GRIN2A: variants seen among roughly 807,000 people sequenced by gnomAD.
GRIN2A encodes glutamate ionotropic receptor NMDA type subunit 2A.
In GRIN2A, 22 loss-of-function variants were observed where a neutral mutation model predicts 113.4. The ratio of observed to expected loss-of-function variants is 0.19; its 90% CI spans 0.14 to 0.28. The LOEUF (loss-of-function observed/expected upper bound fraction) is 0.28. GRIN2A is among the 10% of genes least tolerant of loss of function. The pLI is 1.00. For synonymous variants in GRIN2A, 827 were observed against 738.4 expected, an observed-to-expected ratio of 1.12 and a Z score of -1.94; for missense variants, 1,502 against 1,887.0, an observed-to-expected ratio of 0.80 and a Z score of 3.78.
chr16:9,914,485 C>G (rs1450674522), intron 3 of GRIN2A, among the ~76,000 whole-genome samples: 1 of 152,228 alleles, frequency 6.6e-6, no homozygotes, highest in Non-Finnish European at 1.5e-5. Flanking sequence ...AGTATCAGTT[C>G]TGGCTTCTGA....
intron 2 of GRIN2A, among the ~76,000 whole-genome samples, chr16:9,971,376 C>T (rs2045666258): frequency 1.3e-5 from 2 of 152,202 alleles, no homozygotes; most frequent in African/African-American, 4.8e-5. Context: ...GCCCCCAAGC[C>T]AATAGCCAGC....
intron 7 of GRIN2A, among the ~76,000 whole-genome samples, chr16:9,837,841 A>G (rs1363465978): frequency 6.6e-6 from 1 of 152,214 alleles, no homozygotes; most frequent in African/African-American, 2.4e-5. Flanking sequence ...AAGGAACATA[A>G]TGAGGTGTGT....
chr16:9,856,766 G>A (rs970439353), intron 4 of GRIN2A, among the ~76,000 whole-genome samples: 1 of 151,752 alleles, frequency 6.6e-6, no homozygotes, highest in African/African-American at 2.4e-5. Context: ...CCATTTCATA[G>A]ATGAGGAAAC....
At chr16:10,035,568 C>T (rs112684035) in intron 2 of GRIN2A, among the ~76,000 whole-genome samples, 48 of 152,284 alleles carry the variant, frequency 3.2e-4, no homozygotes, top group African/African-American at 1.0e-3. Context: ...AGACCCTAGG[C>T]CAGGGGCTTT....
Position 9,822,275 on chromosome 16 carries a change from G to C in GRIN2A, c.2157C>G (p.Ser719Arg), listed in dbSNP as rs1482585408. The part of the protein sequence containing the change: ...NQKGVEDALV[S>R]LKTGKLDAFI... ...ACTGCCATCCTTACCCCGTTTTCAG[G>C]CTGACCAAGGCGTCCTCTACTCCTT... is the stretch of plus-strand genomic sequence containing the variant. Residue 719 changes from serine (S) to arginine (R), a missense_variant, in exon 10 of 13, where the codon AGC becomes AGG. Ser to Arg is a moderately radical substitution (Grantham distance 110, BLOSUM62 -1). Coordinates refer to ENST00000330684, the MANE Select transcript of GRIN2A (RefSeq NM_001134407.3). The C allele has an allele frequency of 6.2e-7, 1 of 1,613,758 alleles. No individual in the cohort carries two copies. The highest frequency in any genetic ancestry group is 1.3e-5 in the African/African-American group (1 of 75,012).
intron 2 of GRIN2A, among the ~76,000 whole-genome samples, chr16:9,984,885 C>G (rs2045952699): frequency 6.6e-6 from 1 of 152,048 alleles, no homozygotes; most frequent in African/African-American, 2.4e-5. Flanking sequence ...GGAGTGGGTT[C>G]AAAGATATCA....
intron 4 of GRIN2A, among the ~76,000 whole-genome samples, chr16:9,856,886 C>CA (rs112057436): frequency 5.0e-4 from 71 of 142,028 alleles, no homozygotes; most frequent in East Asian, 4.3e-3. Flanking sequence ...TTCTGCTGAA[C>CA]AAAAAAAAAA....
rs74684879 is a variant in GRIN2A at position 10,020,516 on chromosome 16, C to T, written c.415-81965G>A. ...TTCAATACGAGGTGGGAGTTTAGTGCAGCAGGCTGCAGCTGTGTGTGCAAT... is the reference window on the plus strand; with the variant it reads ...TTCAATACGAGGTGGGAGTTTAGTGTAGCAGGCTGCAGCTGTGTGTGCAAT... On this transcript the variant is annotated intron_variant, in intron 2 of 12. Coordinates refer to ENST00000330684, the MANE Select transcript of GRIN2A (RefSeq NM_001134407.3). 4.1e-3 allele frequency among the ~76,000 whole-genome samples: 624 copies of T among 152,282 alleles called. 1 individual carries two copies. The highest frequency in any genetic ancestry group is 0.014 in the African/African-American group (602 of 41,548).
chr16:9,912,964 C>A (rs1231123073), intron 3 of GRIN2A, among the ~76,000 whole-genome samples: 1 of 152,234 alleles, frequency 6.6e-6, no homozygotes, highest in Admixed American at 6.5e-5. Context: ...TCTAAACCAA[C>A]AGAACTGCTC....
In GRIN2A at chr16:9,757,998, T is replaced by A. The variant is rs1325720188; in HGVS notation, c.*5151A>T. The A allele has an allele frequency of 4.6e-6, 1 of 217,486 alleles. No individual in the cohort carries two copies. The highest frequency in any genetic ancestry group is 6.7e-5 in the East Asian group (1 of 14,850). The allele number at this position is 217,486 out of a possible 1,614,324, so 13.5% of individuals were successfully genotyped here. A position where few individuals can be genotyped will look rare whatever the true frequency, so the allele number is the denominator to read the frequency against. On this transcript the variant is annotated 3_prime_UTR_variant, in exon 13 of 13. Coordinates refer to ENST00000330684, the MANE Select transcript of GRIN2A (RefSeq NM_001134407.3). ...GAAATAAGTCAGCCCGGTCAGAGAA[T>A]CGAGCCAGAAATTGAACCATGTCTT...
chr16:10,037,845 C>T (rs1005970377), intron 2 of GRIN2A, among the ~76,000 whole-genome samples: 2 of 152,112 alleles, frequency 1.3e-5, no homozygotes, highest in Non-Finnish European at 2.9e-5. Context: ...TCTCCAACTC[C>T]TGGATTCAAG....
chr16:9,809,148 G>T (rs1183980869), intron 10 of GRIN2A, among the ~76,000 whole-genome samples: 1 of 152,110 alleles, frequency 6.6e-6, no homozygotes, highest in African/African-American at 2.4e-5. Flanking sequence ...GACCGGGCAC[G>T]GTGGCTCACT....
chr16:9,789,420 G>T (rs1310233577), intron 11 of GRIN2A, among the ~76,000 whole-genome samples: 1 of 152,094 alleles, frequency 6.6e-6, no homozygotes, highest in Non-Finnish European at 1.5e-5. Flanking sequence ...ACCCTCCCTA[G>T]ATCTGGTGGA....
intron 3 of GRIN2A, among the ~76,000 whole-genome samples, chr16:9,911,928 A>G (rs1384642057): frequency 1.3e-5 from 2 of 152,218 alleles, no homozygotes; most frequent in African/African-American, 4.8e-5. Flanking sequence ...TGTGCTTAAG[A>G]GCATGACTGG....
chr16:10,043,463 C>T (rs2047201438), intron 2 of GRIN2A, among the ~76,000 whole-genome samples: 1 of 152,152 alleles, frequency 6.6e-6, no homozygotes, highest in Non-Finnish European at 1.5e-5. Context: ...TTTTGTGGAG[C>T]TAAACATTAT....
chr16:10,031,859 A>G (rs1192103526), intron 2 of GRIN2A, among the ~76,000 whole-genome samples: 1 of 152,068 alleles, frequency 6.6e-6, no homozygotes, highest in African/African-American at 2.4e-5. Flanking sequence ...TTCTCAGGCA[A>G]TTTTTTTCAG....
At chr16:10,044,022 T>TATATATAGAGAGAGAGAGAGAGAG (rs531659457) in intron 2 of GRIN2A, among the ~76,000 whole-genome samples, 2 of 107,984 alleles carry the variant, frequency 1.9e-5, no homozygotes, top group African/African-American at 7.8e-5. Context: ...TATATATATA[T>TATATATAGAGAGAGAGAGAGAGAG]AGAGAGAGAG....
At chr16:9,891,356 G>T (rs985037697) in intron 3 of GRIN2A, among the ~76,000 whole-genome samples, 1 of 152,158 alleles carries the variant, frequency 6.6e-6, no homozygotes, top group African/African-American at 2.4e-5. Context: ...ATATTCAAAT[G>T]ATCTTCTTAC....
intron 2 of GRIN2A, among the ~76,000 whole-genome samples, chr16:10,055,092 AGAAAG>A (rs1567266478): frequency 1.4e-4 from 11 of 76,310 alleles, no homozygotes; most frequent in African/African-American, 2.4e-4. Context: ...AAAAGAAAAA[AGAAAG>A]AAAGAAAGAA....
Sources: gnomAD v4.1 joint callset for allele counts (sites outside exome capture counted in the v4.1 genomes callset) on GRCh38, gnomAD v4.1.1 for gene constraint, MANE v1.5 for transcripts, NCBI Gene and HGNC (gene_info 2026-07-23, HGNC 2026-07-21) for gene names.